The following F12 variants were observed in gnomAD, a reference collection of about 807,000 sequenced individuals.
F12 encodes coagulation factor XII.
Under a neutral mutation model 74.8 loss-of-function variants are expected in F12, and 70 were observed. That is an observed-to-expected ratio of 0.94 (90% CI 0.77 to 1.14). The LOEUF is 1.14. F12 is among the 50% of genes most tolerant of loss of function. The pLI, the probability that F12 is intolerant of heterozygous loss-of-function variation, is 0.00. For synonymous variants in F12, 373 were observed against 356.4 expected (o/e 1.05, Z -0.52); for missense variants, 811 against 835.7 (o/e 0.97, Z 0.36).
intron 12 of F12, 78 bp from the exon 13 acceptor site, chr5:177,402,776 C>A (rs912033039): frequency 2.3e-5 from 36 of 1,572,544 alleles, no homozygotes; most frequent in Non-Finnish European, 3.0e-5. Flanking sequence ...CTGCTCCAGG[C>A]GCTTGTAAAC....
intron 2 of F12, among the ~76,000 whole-genome samples, chr5:177,408,466 C>G (rs1763338672): frequency 6.6e-6 from 1 of 152,188 alleles, no homozygotes; most frequent in Non-Finnish European, 1.5e-5. Context: ...ATAATAAAAG[C>G]TAATATTTGT....
At chr5:177,409,419 T>C (rs977610414) in intron 1 of F12, 52 bp downstream of exon 1, 47 of 1,598,404 alleles carry the variant, frequency 2.9e-5, no homozygotes, top group Non-Finnish European at 3.8e-5. Flanking sequence ...ATGGCTGTGA[T>C]AGCGACCCCC....
chr5:177,406,340 T>C (rs1275714278), intron 2 of F12, among the ~76,000 whole-genome samples: 1 of 151,942 alleles, frequency 6.6e-6, no homozygotes, highest in Non-Finnish European at 1.5e-5. Flanking sequence ...TACAAAAAAA[T>C]TAGCTGGGGG....
intron 2 of F12, 83 bp downstream of exon 2, chr5:177,408,963 A>G: frequency 7.4e-7 from 1 of 1,355,084 alleles, no homozygotes. Flanking sequence ...TAGGCACTAG[A>G]CTAGACTGCC....
At position 177,403,623 on chromosome 5, in the gene F12, G is replaced by C. The variant is rs764395843; in HGVS notation, c.1251-6C>G. On this transcript the variant is annotated splice_polypyrimidine_tract_variant and splice_region_variant and intron_variant, in intron 10 of 13. Coordinates refer to ENST00000253496, the MANE Select transcript of F12 (RefSeq NM_000505.4). The stretch of plus-strand genomic sequence containing the variant: ...TCAGATCCTCGGGTGCGGGCCTGCG[G>C]GGGGGGTAGGGGAGAGGCAGCGCTC... 1.2e-5 allele frequency: 19 copies of C among 1,602,590 alleles called. No homozygotes were observed. Among genetic ancestry groups the C allele is most frequent in the East Asian group, 4.5e-5 (2 of 44,752 alleles).
chr5:177,402,293 C>A lies in F12; in HGVS notation c.1847G>T (p.Ter616LeuextTer11). 1 of 1,613,704 alleles carries A rather than the reference C, an allele frequency of 6.2e-7. No homozygotes were observed. The highest frequency in any genetic ancestry group is 8.5e-7 in the Non-Finnish European group (1 of 1,179,956). ...AGGGAAAGATGAGTCCCTGAGCAAT[C>A]AGGAAACGGTGTGCTCCCGGATCCA... ...LAWIREHTVS[*>L] The change falls in exon 14 of 14, where the codon TGA (stop) becomes TTA (leucine). Residue 616 changes from the stop codon to leucine, a stop_lost. Transcript: ENST00000253496.
At position 177,404,636 on chromosome 5, in the gene F12, G is replaced by A. The variant is rs770824924; in HGVS notation, c.663C>T (p.Arg221=). The A allele has an allele frequency of 6.2e-7, 1 of 1,606,874 alleles. No homozygotes were observed. Among genetic ancestry groups the A allele is most frequent in the Non-Finnish European group, 8.5e-7 (1 of 1,179,770 alleles). The change falls in exon 8 of 14, where the codon CGC becomes CGT. Residue 221 remains arginine (R), a synonymous_variant. Transcript: ENST00000253496. ...VDTKASCYDG[R]GLSYRGLART... is the part of the protein sequence containing the mutation. The stretch of plus-strand genomic sequence containing the variant: ...TGGCCAGGCCGCGGTAGCTGAGCCC[G>A]CGGCCATCATAGCAGCTTGCCTTGG...
At chr5:177,408,904 A>C (rs903218055) in intron 2 of F12, 142 bp downstream of exon 2, 1 of 826,830 alleles carries the variant, frequency 1.2e-6, no homozygotes, top group Non-Finnish European at 2.0e-6. Context: ...CAAGGATCAC[A>C]CAGCTCACGA....
intron 5 of F12, 68 bp downstream of exon 5, chr5:177,405,255 C>T: frequency 6.2e-7 from 1 of 1,613,460 alleles, no homozygotes; most frequent in South Asian, 1.1e-5. Context: ...TATCCAGCAA[C>T]CTATTCTGTA....
intron 2 of F12, among the ~76,000 whole-genome samples, chr5:177,407,036 C>G (rs1763310784): frequency 6.6e-6 from 1 of 152,166 alleles, no homozygotes; most frequent in Non-Finnish European, 1.5e-5. Flanking sequence ...AGTTCCTAAG[C>G]ACAAGAAGGC....
intron 2 of F12, among the ~76,000 whole-genome samples, chr5:177,406,285 A>T (rs17876025): frequency 1.3e-5 from 2 of 152,128 alleles, no homozygotes; most frequent in Admixed American, 6.5e-5. Flanking sequence ...TCAGGAGATC[A>T]AGACCATCCT....
At chr5:177,406,118 G>T (rs1763284695) in intron 2 of F12, 57 bp from the exon 3 acceptor site, 5 of 1,445,152 alleles carry the variant, frequency 3.5e-6, no homozygotes, top group Non-Finnish European at 4.9e-6. Flanking sequence ...CTCAGGCACT[G>T]TCCCTCAGGG....
In F12 at chr5:177,402,637, G is replaced by A. The variant is rs1366467727; in HGVS notation, c.1593C>T (p.Arg531=). ...ATCCGTGCACGTCCGGGGCTGAGCAGCGCTCCAGGGAGAGGAACGGTACCT... is the reference window on the plus strand; with the variant it reads ...ATCCGTGCACGTCCGGGGCTGAGCAACGCTCCAGGGAGAGGAACGGTACCT... The part of the protein sequence containing the change: ...EAQVPFLSLE[R]CSAPDVHGSS... The change falls in exon 13 of 14, where the codon CGC becomes CGT. Residue 531 remains arginine (R), a synonymous_variant. Transcript: ENST00000253496. The A allele has an allele frequency of 6.2e-7, 1 of 1,613,088 alleles. No homozygotes were observed. The highest frequency in any genetic ancestry group is 2.2e-5 in the East Asian group (1 of 44,880).
chr5:177,405,507 C>T (rs1763269033), intron 4 of F12, 74 bp from the exon 5 acceptor site: 1 of 1,482,346 alleles, frequency 6.7e-7, no homozygotes, highest in Non-Finnish European at 9.3e-7. Flanking sequence ...CCTTCTTGAA[C>T]CTACTTGCCT....
chr5:177,404,762 C>A (rs754599933), intron 7 of F12, 48 bp downstream of exon 7: 1 of 1,588,796 alleles, frequency 6.3e-7, no homozygotes, highest in South Asian at 1.1e-5. Flanking sequence ...CTGGCAAGCC[C>A]GTCCCACCTG....
chr5:177,406,023 G>A lies in F12; in HGVS notation c.154C>T (p.Gln52Ter). 11 of 1,614,118 alleles carry A rather than the reference G, an allele frequency of 6.8e-6. No individual in the cohort carries two copies. The highest frequency in any genetic ancestry group is 9.3e-6 in the Non-Finnish European group (11 of 1,180,024). The change falls in exon 3 of 14, where the codon CAG becomes TAG. Residue 52 changes from glutamine (Q) to a stop codon, truncating the protein, a stop_gained. Coordinates refer to ENST00000253496, the MANE Select transcript of F12 (RefSeq NM_000505.4). LOFTEE classifies it high-confidence loss of function. ...VTGEPCHFPF[Q>*]YHRQLYHKCT... ...TTGTGGTACAGCTGCCGGTGGTACT[G>A]GAAGGGGAAGTGGCAGGGCTCCCCG...
At chr5:177,404,448 G>T in intron 8 of F12, 35 bp from the exon 9 acceptor site, 3 of 1,602,618 alleles carry the variant, frequency 1.9e-6, no homozygotes, top group Middle Eastern at 3.3e-4. Context: ...TTAGAGCGCC[G>T]GGAGCCCGGA....
chr5:177,404,008 C>G lies in F12; in HGVS notation c.1101G>C (p.Leu367=), dbSNP rs1328103815. The G allele has an allele frequency of 7.5e-6, 12 of 1,602,368 alleles. No individual in the cohort carries two copies. Among genetic ancestry groups the G allele is most frequent in the East Asian group, 6.7e-5 (3 of 44,868 alleles). Residue 367 remains leucine, a synonymous_variant, in exon 10 of 14, where the codon CTG becomes CTC. Coordinates refer to ENST00000253496, the MANE Select transcript of F12 (RefSeq NM_000505.4). ...LSCGQRLRKS[L]SSMTRVVGGL... The stretch of plus-strand genomic sequence containing the variant: ...CGCCAACGACGCGGGTCATCGAAGA[C>G]AGACTCTTGCGGAGCCGCTGCCCGC...
chr5:177,406,128 G>A, intron 2 of F12, 67 bp from the exon 3 acceptor site: 2 of 1,404,546 alleles, frequency 1.4e-6, no homozygotes, highest in Non-Finnish European at 2.0e-6. Context: ...GTCCCTCAGG[G>A]TCTGGTCAGG....
Sources: gnomAD v4.1 joint callset for allele counts (sites outside exome capture counted in the v4.1 genomes callset) on GRCh38, gnomAD v4.1.1 for gene constraint, MANE v1.5 for transcripts, NCBI Gene and HGNC (gene_info 2026-07-23, HGNC 2026-07-21) for gene names.